Variants in BRINP1 observed in about 807,000 individuals in gnomAD.
BRINP1 encodes BMP/retinoic acid-inducible neural-specific protein 1.
Under a neutral mutation model 72.9 loss-of-function variants are expected in BRINP1, and 17 were observed. The ratio of observed to expected loss-of-function variants is 0.23; its 90% CI spans 0.16 to 0.35. BRINP1 has a LOEUF of 0.35. Ranked by LOEUF, BRINP1 falls within the 10% of genes least tolerant of loss-of-function variation. The pLI is 1.00. For missense variants in BRINP1, 850 were observed against 1,001.6 expected, an observed-to-expected ratio of 0.85 and a Z score of 2.04; for synonymous variants, 418 against 378.5, an observed-to-expected ratio of 1.10 and a Z score of -1.21.
intron 1 of BRINP1, among the ~76,000 whole-genome samples, chr9:119,341,452 G>C (rs77588403): frequency 0.017 from 2,636 of 152,268 alleles, 97 homozygotes; most frequent in African/African-American, 0.061. Flanking sequence ...GACTTTGAGA[G>C]TTTAGGATGG....
chr9:119,295,694 A>G (rs964876158), intron 2 of BRINP1, among the ~76,000 whole-genome samples: 1 of 152,240 alleles, frequency 6.6e-6, no homozygotes, highest in Non-Finnish European at 1.5e-5. Context: ...ATGAACATAC[A>G]GACAAAATTG....
chr9:119,266,180 A>C, intron 2 of BRINP1, among the ~76,000 whole-genome samples: 1 of 152,170 alleles, frequency 6.6e-6, no homozygotes, highest in South Asian at 2.1e-4. Context: ...AGGAGGAGAA[A>C]TACAACCAGA....
intron 5 of BRINP1, among the ~76,000 whole-genome samples, chr9:119,227,286 C>T (rs922062287): frequency 1.3e-5 from 2 of 151,954 alleles, no homozygotes; most frequent in African/African-American, 4.8e-5. Flanking sequence ...ATCTTCTCTG[C>T]CCATCCTCCT....
intron 6 of BRINP1, among the ~76,000 whole-genome samples, chr9:119,209,361 G>C (rs1436308790): frequency 6.6e-6 from 1 of 152,134 alleles, no homozygotes; most frequent in Non-Finnish European, 1.5e-5. Flanking sequence ...TAACAGGCCA[G>C]GAGTTCTAGA....
At chr9:119,186,556 C>T (rs962226299) in intron 7 of BRINP1, among the ~76,000 whole-genome samples, 35 of 152,150 alleles carry the variant, frequency 2.3e-4, no homozygotes, top group African/African-American at 8.0e-4. Flanking sequence ...CAACTAGTCT[C>T]AGGTAATTGG....
intron 2 of BRINP1, among the ~76,000 whole-genome samples, chr9:119,254,187 A>G (rs1830422893): frequency 6.6e-6 from 1 of 152,244 alleles, no homozygotes; most frequent in South Asian, 2.1e-4. Context: ...TCTTGCTCTC[A>G]AGGGGCATAC....
chr9:119,265,632 A>C (rs1388344870), intron 2 of BRINP1, among the ~76,000 whole-genome samples: 1 of 151,784 alleles, frequency 6.6e-6, no homozygotes, highest in Non-Finnish European at 1.5e-5. Flanking sequence ...AACAAACAAA[A>C]AATCAGTCCT....
intron 4 of BRINP1, 107 bp from the exon 5 acceptor site, chr9:119,238,867 G>A (rs1830218089): frequency 1.2e-5 from 8 of 658,194 alleles, no homozygotes; most frequent in Admixed American, 6.8e-5. Flanking sequence ...AAGGCCTCCT[G>A]GTTTGAGTCA....
At chr9:119,300,859 C>G (rs1289859277) in intron 2 of BRINP1, among the ~76,000 whole-genome samples, 1 of 152,202 alleles carries the variant, frequency 6.6e-6, no homozygotes, top group Non-Finnish European at 1.5e-5. Context: ...ATTACCTACA[C>G]CTTCTTTCTT....
intron 7 of BRINP1, among the ~76,000 whole-genome samples, chr9:119,171,724 A>AGTT (rs1829412680): frequency 8.6e-6 from 1 of 116,286 alleles, no homozygotes; most frequent in Non-Finnish European, 1.7e-5. Flanking sequence ...TTGACCACAT[A>AGTT]GTTGGAAGTA....
chr9:119,192,353 G>A (rs554096445), intron 7 of BRINP1, among the ~76,000 whole-genome samples: 20 of 151,942 alleles, frequency 1.3e-4, no homozygotes, highest in South Asian at 6.2e-4. Context: ...CCACATACAA[G>A]AGATTAATAA....
chr9:119,297,460 C>T (rs2118978941), intron 2 of BRINP1, among the ~76,000 whole-genome samples: 1 of 152,202 alleles, frequency 6.6e-6, no homozygotes, highest in African/African-American at 2.4e-5. Flanking sequence ...GTGACCCTGG[C>T]CATATTACTT....
At chr9:119,254,759 C>G (rs182293085) in intron 2 of BRINP1, among the ~76,000 whole-genome samples, 2 of 152,314 alleles carry the variant, frequency 1.3e-5, no homozygotes, top group Admixed American at 1.3e-4. Context: ...CCTGTTGCAA[C>G]CACTCAACTG....
chr9:119,217,417 A>G (rs992595528), intron 5 of BRINP1, among the ~76,000 whole-genome samples: 3 of 152,198 alleles, frequency 2.0e-5, no homozygotes, highest in African/African-American at 7.2e-5. Flanking sequence ...GTTATTGCCA[A>G]GCATATAAAT....
chr9:119,301,064 C>G (rs1041095094), intron 2 of BRINP1, among the ~76,000 whole-genome samples: 5 of 152,218 alleles, frequency 3.3e-5, no homozygotes, highest in Non-Finnish European at 5.9e-5. Context: ...TCCCAGCTCT[C>G]TCTGCTAAGG....
intron 1 of BRINP1, among the ~76,000 whole-genome samples, chr9:119,348,798 C>G (rs1321258860): frequency 6.6e-6 from 1 of 152,128 alleles, no homozygotes; most frequent in Non-Finnish European, 1.5e-5. Flanking sequence ...TTCGGTATCA[C>G]GCACAGTGAA....
At chr9:119,299,826 T>C (rs1258785395) in intron 2 of BRINP1, among the ~76,000 whole-genome samples, 2 of 152,194 alleles carry the variant, frequency 1.3e-5, no homozygotes, top group African/African-American at 2.4e-5. Context: ...CTCCATATCT[T>C]GGCTATTGCG....
rs1229817989 is a variant in BRINP1, at chr9:119,250,081, AAAGGAAGG to A, written c.219-939_219-932del. Among the ~76,000 whole-genome samples the A allele has an allele frequency of 6.3e-4, 47 of 74,628 alleles. 1 individual carries two copies. The highest frequency in any genetic ancestry group is 2.1e-3 in the African/African-American group (46 of 21,950). The allele number at this position is 74,628 out of a possible 152,430, so 49.0% of individuals were successfully genotyped here. ...GGGAGGGAAGAAGGAAGGAAGGAAG[AAAGGAAGG>A]AAGGAAGGAAGAAAAGGAAGGAGGG... On this transcript the variant is annotated intron_variant, in intron 2 of 7. Coordinates refer to ENST00000265922, the MANE Select transcript of BRINP1 (RefSeq NM_014618.3).
At chr9:119,266,040 G>A (rs892927528) in intron 2 of BRINP1, among the ~76,000 whole-genome samples, 3 of 152,162 alleles carry the variant, frequency 2.0e-5, no homozygotes, top group Non-Finnish European at 4.4e-5. Context: ...TTACCTTCTA[G>A]TGAGAGAACC....
Sources: allele counts gnomAD v4.1 joint callset (sites outside exome capture counted in the v4.1 genomes callset), GRCh38; gene constraint gnomAD v4.1.1; transcripts MANE v1.5; gene names NCBI Gene and HGNC (gene_info 2026-07-23, HGNC 2026-07-21).